YIPF4: variants seen among roughly 807,000 people sequenced by gnomAD.
YIPF4 encodes protein YIPF4.
In YIPF4, 18 loss-of-function variants were observed where a neutral mutation model predicts 29.4. The observed-to-expected ratio is 0.61, with a 90% CI of 0.42 to 0.91. The LOEUF is 0.91. YIPF4 is among the 40% of genes least tolerant of loss of function. The probability of loss-of-function intolerance (pLI) is 0.00; values close to 1 mark genes in which losing one functional copy is unlikely to be tolerated. For missense variants in YIPF4, 279 were observed against 282.7 expected, an observed-to-expected ratio of 0.99 and a Z score of 0.09; for synonymous variants, 115 against 104.7, an observed-to-expected ratio of 1.10 and a Z score of -0.60.
At chr2:32,291,763 TGAAA>T (rs2030927712) in intron 2 of YIPF4, among the ~76,000 whole-genome samples, 1 of 152,150 alleles carries the variant, frequency 6.6e-6, no homozygotes, top group African/African-American at 2.4e-5. Context: ...GATAAGATGT[TGAAA>T]GAAAGAATTT....
intron 5 of YIPF4, among the ~76,000 whole-genome samples, chr2:32,303,919 G>GTTAAC: frequency 6.6e-6 from 1 of 152,080 alleles, no homozygotes; most frequent in South Asian, 2.1e-4. Context: ...TTTTCACTTG[G>GTTAAC]GTTAAGCTTG....
At position 32,288,407 on chromosome 2, in the gene YIPF4, GA is replaced by G. The variant is rs1031340414; in HGVS notation, c.80-2073del. ...AGGACTTTAAGTACAGTCCTTTCTA[GA>G]AACCAGGAAACAGTTGTTAAGGTCC... On this transcript the variant is annotated intron_variant, in intron 1 of 5. Coordinates refer to ENST00000238831, the MANE Select transcript of YIPF4 (RefSeq NM_032312.4). Among the ~76,000 whole-genome samples the G allele has an allele frequency of 3.5e-4, 53 of 152,094 alleles. 1 individual carries two copies. Among genetic ancestry groups the G allele is most frequent in the African/African-American group, 1.2e-3 (51 of 41,398 alleles).
intron 5 of YIPF4, 78 bp from the exon 6 acceptor site, chr2:32,305,411 C>G (rs2031542704): frequency 7.3e-7 from 1 of 1,370,426 alleles, no homozygotes; most frequent in Admixed American, 2.8e-5. Context: ...TTGTAAACAC[C>G]ATTTTTACTC....
At chr2:32,288,961 G>A (rs1365893812) in intron 1 of YIPF4, among the ~76,000 whole-genome samples, 1 of 151,900 alleles carries the variant, frequency 6.6e-6, no homozygotes, top group Admixed American at 6.6e-5. Flanking sequence ...GTGAGGCTCT[G>A]ATACAAAAAA....
In YIPF4 at chr2:32,305,844, T is replaced by A. The variant is rs555548501; in HGVS notation, c.*218T>A. The A allele has an allele frequency of 2.5e-6, 3 of 1,179,294 alleles. No individual in the cohort carries two copies. Among genetic ancestry groups the A allele is most frequent in the East Asian group, 3.9e-5 (1 of 25,588 alleles). 73.1% of individuals were successfully genotyped at this position (1,179,294 alleles called of 1,614,324 possible). ...GGTCAGAATTTTAAATTCTGTTTGA[T>A]TCTCCATATTCCAGTGAATAAAATA... On this transcript the variant is annotated 3_prime_UTR_variant, in exon 6 of 6. Transcript: ENST00000238831.
chr2:32,278,291 T>C, intron 1 of YIPF4, 57 bp downstream of exon 1: 1 of 1,493,238 alleles, frequency 6.7e-7, no homozygotes, highest in South Asian at 1.3e-5. Flanking sequence ...CCCGACGCCG[T>C]AGGGTCTTTC....
chr2:32,297,971 G>A (rs986476963), intron 3 of YIPF4, among the ~76,000 whole-genome samples: 3 of 149,712 alleles, frequency 2.0e-5, no homozygotes, highest in Admixed American at 2.0e-4. Context: ...CTTTTTTTTT[G>A]CAATAATCTT....
intron 1 of YIPF4, among the ~76,000 whole-genome samples, chr2:32,287,058 A>G (rs1380375717): frequency 6.6e-6 from 1 of 152,112 alleles, no homozygotes; most frequent in East Asian, 1.9e-4. Context: ...CAGACTGGCC[A>G]ACATGTTGAA....
chr2:32,280,213 C>T (rs975454167), intron 1 of YIPF4, among the ~76,000 whole-genome samples: 6 of 151,648 alleles, frequency 4.0e-5, no homozygotes, highest in East Asian at 1.9e-4. Context: ...CTGCAAGCTC[C>T]GCTTCCCAGG....
chr2:32,289,249 C>T (rs2030813698), intron 1 of YIPF4, among the ~76,000 whole-genome samples: 1 of 152,124 alleles, frequency 6.6e-6, no homozygotes, highest in South Asian at 2.1e-4. Flanking sequence ...GCCCGGAAAA[C>T]ATGAATGATT....
chr2:32,296,884 AATG>A (rs1199416090), intron 3 of YIPF4, among the ~76,000 whole-genome samples: 1 of 152,202 alleles, frequency 6.6e-6, no homozygotes, highest in Non-Finnish European at 1.5e-5. Context: ...ATGTTTACAG[AATG>A]ATGATTTTTC....
intron 1 of YIPF4, among the ~76,000 whole-genome samples, chr2:32,284,871 A>AGCAG (rs1193148758): frequency 6.6e-6 from 1 of 152,124 alleles, no homozygotes; most frequent in East Asian, 1.9e-4. Context: ...TTGAGAGGAG[A>AGCAG]GCAGGTAAGT....
At chr2:32,281,223 A>G (rs1293517624) in intron 1 of YIPF4, among the ~76,000 whole-genome samples, 2 of 151,460 alleles carry the variant, frequency 1.3e-5, no homozygotes, top group African/African-American at 2.4e-5. Flanking sequence ...TTTTAAGTAT[A>G]CTACTCATTT....
rs1012178244 is a variant in YIPF4, at chr2:32,309,269, T to C, written c.*3643T>C. ...AGATAAGAACATTTTTGAGTGCCGA[T>C]GTGACACTTTAAAGGAAATGTTCAT... On this transcript the variant is annotated 3_prime_UTR_variant, in exon 6 of 6. Coordinates refer to ENST00000238831, the MANE Select transcript of YIPF4 (RefSeq NM_032312.4). 21 of 152,132 alleles carry C rather than the reference T, an allele frequency of 1.4e-4. No individual in the cohort carries two copies. The highest frequency in any genetic ancestry group is 2.9e-5 in the Non-Finnish European group (2 of 68,040). 9.4% of individuals were successfully genotyped at this position (152,132 alleles called of 1,614,324 possible).
chr2:32,295,546 T>C (rs1352102303), intron 3 of YIPF4, among the ~76,000 whole-genome samples: 1 of 152,190 alleles, frequency 6.6e-6, no homozygotes, highest in Non-Finnish European at 1.5e-5. Context: ...TGCGTCACTA[T>C]GATCTCTGTT....
Position 32,312,332 on chromosome 2 carries a change from C to G in YIPF4, c.*6706C>G, listed in dbSNP as rs1391493749. 4 of 149,652 alleles carry G rather than the reference C, an allele frequency of 2.7e-5. No individual in the cohort carries two copies. Among genetic ancestry groups the G allele is most frequent in the African/African-American group, 7.4e-5 (3 of 40,594 alleles). 9.3% of individuals were successfully genotyped at this position (149,652 alleles called of 1,614,324 possible). A position where few individuals can be genotyped will look rare whatever the true frequency, so the allele number is the denominator to read the frequency against. On this transcript the variant is annotated 3_prime_UTR_variant, in exon 6 of 6. Coordinates refer to ENST00000238831, the MANE Select transcript of YIPF4 (RefSeq NM_032312.4). The stretch of plus-strand genomic sequence containing the variant: ...TGAAACCCTGACTCTACTAAAAATA[C>G]CAAAAATTAGCCGGGCGTGGCAGCG...
In YIPF4 at chr2:32,306,544, T is replaced by C; in HGVS notation, c.*918T>C. 1.0e-6 allele frequency: 1 copy of C among 985,178 alleles called. No homozygotes were observed. Among genetic ancestry groups the C allele is most frequent in the Non-Finnish European group, 1.2e-6 (1 of 829,742 alleles). 61.0% of individuals were successfully genotyped at this position (985,178 alleles called of 1,614,324 possible). ...TGGTGTTGAACAATGTTATATGAAGTAGAAAAAATAAAATACTTCCCAGTT... is the reference window on the plus strand; with the variant it reads ...TGGTGTTGAACAATGTTATATGAAGCAGAAAAAATAAAATACTTCCCAGTT... On this transcript the variant is annotated 3_prime_UTR_variant, in exon 6 of 6. Coordinates refer to ENST00000238831, the MANE Select transcript of YIPF4 (RefSeq NM_032312.4).
chr2:32,277,917 T>G lies in YIPF4; in HGVS notation c.-239T>G. 1 of 521,274 alleles carries G rather than the reference T, an allele frequency of 1.9e-6. No homozygotes were observed. The highest frequency in any genetic ancestry group is 3.5e-5 in the East Asian group (1 of 28,218). 32.3% of individuals were successfully genotyped at this position (521,274 alleles called of 1,614,324 possible). On this transcript the variant is annotated 5_prime_UTR_variant, in exon 1 of 6. Transcript: ENST00000238831. ...CCCAGCGCCGCTGTCACTGTTATGG[T>G]CCTGTCAGGGTGCCGGCGTCGTGGT...
intron 3 of YIPF4, among the ~76,000 whole-genome samples, chr2:32,294,239 T>C (rs1573535187): frequency 6.8e-6 from 1 of 147,238 alleles, no homozygotes; most frequent in South Asian, 2.2e-4. Flanking sequence ...ACGGGGTGGC[T>C]GCTGGGCGGA....
Sources: allele counts gnomAD v4.1 joint callset (sites outside exome capture counted in the v4.1 genomes callset), GRCh38; gene constraint gnomAD v4.1.1; transcripts MANE v1.5; gene names NCBI Gene and HGNC (gene_info 2026-07-23, HGNC 2026-07-21).